CCDC88C: variants seen among roughly 807,000 people sequenced by gnomAD.
CCDC88C encodes coiled-coil and HOOK domain protein 88C.
Under a neutral mutation model 198.8 loss-of-function variants are expected in CCDC88C, and 131 were observed. The ratio of observed to expected loss-of-function variants is 0.66; its 90% confidence interval spans 0.57 to 0.76. The LOEUF (loss-of-function observed/expected upper bound fraction) is 0.76, where lower values mean the gene tolerates loss of function less well. Ranked by LOEUF, CCDC88C falls within the 30% of genes least tolerant of loss-of-function variation. The pLI, the probability that CCDC88C is intolerant of heterozygous loss-of-function variation, is 0.00. For missense variants in CCDC88C, 2,553 were observed against 2,631.6 expected (o/e 0.97, Z 0.65); for synonymous variants, 1,166 against 1,114.7 (o/e 1.05, Z -0.92).
intron 3 of CCDC88C, among the ~76,000 whole-genome samples, chr14:91,392,436 T>G (rs1885562650): frequency 6.6e-6 from 1 of 152,052 alleles, no homozygotes; most frequent in Non-Finnish European, 1.5e-5. Flanking sequence ...GAGGAGAACC[T>G]TTTCAAGGGG....
At chr14:91,346,965 C>G (rs1429947791) in intron 4 of CCDC88C, among the ~76,000 whole-genome samples, 1 of 152,192 alleles carries the variant, frequency 6.6e-6, no homozygotes, top group African/African-American at 2.4e-5. Flanking sequence ...GTCTTTCTGA[C>G]AGTGCTTGCC....
chr14:91,332,932 C>G (rs894056509), intron 10 of CCDC88C, among the ~76,000 whole-genome samples: 1 of 152,250 alleles, frequency 6.6e-6, no homozygotes, highest in African/African-American at 2.4e-5. Flanking sequence ...ACTCCACCCA[C>G]AGACCGGCCC....
Position 91,272,555 on chromosome 14 carries a change from A to C in CCDC88C, c.*70T>G. The C allele has an allele frequency of 6.5e-5, 96 of 1,484,354 alleles. No homozygotes were observed. The highest frequency in any genetic ancestry group is 5.0e-4 in the Middle Eastern group (2 of 4,038). 91.9% of individuals were successfully genotyped at this position (1,484,354 alleles called of 1,614,324 possible). ...CCTCTCCTGGCACCGCAGGCAAGCA[A>C]GAGAAAAGGCCGTGAGAGTCGGAAG... On this transcript the variant is annotated 3_prime_UTR_variant, in exon 30 of 30. Coordinates refer to ENST00000389857, the MANE Select transcript of CCDC88C (RefSeq NM_001080414.4).
At position 91,381,592 on chromosome 14, in the gene CCDC88C, G is replaced by A. The variant is rs1175085035; in HGVS notation, c.271-21881C>T. ...TCATGCCTGTAATCCTAGCACTTTG[G>A]GAGGCCAAGTTGGGTGGATCAATTG... On this transcript the variant is annotated intron_variant, in intron 3 of 29. Coordinates refer to ENST00000389857, the MANE Select transcript of CCDC88C (RefSeq NM_001080414.4). This position sits in a 1 kb window ranked among gnomAD's most constrained non-coding sequence, Gnocchi z 4.2. Among the ~76,000 whole-genome samples the A allele has an allele frequency of 2.0e-5, 3 of 152,184 alleles. No individual in the cohort carries two copies. Among genetic ancestry groups the A allele is most frequent in the Non-Finnish European group, 4.4e-5 (3 of 68,034 alleles).
At position 91,338,865 on chromosome 14, in the gene CCDC88C, GCTCCA is replaced by G. The variant is rs1288358249; in HGVS notation, c.810-300_810-296del. On this transcript the variant is annotated intron_variant, in intron 8 of 29. Coordinates refer to ENST00000389857, the MANE Select transcript of CCDC88C (RefSeq NM_001080414.4). This position sits in a 1 kb window ranked among gnomAD's most constrained non-coding sequence, Gnocchi z 4.8. ...GGCAGCTGTACCACCCCACAGCCAG[GCTCCA>G]CAGGTGACATCCATCAGCTGCAGGA... 1 of 493,276 alleles carries G rather than the reference GCTCCA, an allele frequency of 2.0e-6. No homozygotes were observed. The highest frequency in any genetic ancestry group is 1.9e-5 in the African/African-American group (1 of 51,562). 30.6% of individuals were successfully genotyped at this position (493,276 alleles called of 1,614,324 possible). A position where few individuals can be genotyped will look rare whatever the true frequency, so the allele number is the denominator to read the frequency against.
chr14:91,282,819 T>C (rs1238912418), intron 26 of CCDC88C, among the ~76,000 whole-genome samples: 3 of 152,114 alleles, frequency 2.0e-5, no homozygotes, highest in South Asian at 2.1e-4. Flanking sequence ...TCCAGCACTT[T>C]AGGGGGCCAA....
At chr14:91,279,329 A>C (rs776462903) in intron 27 of CCDC88C, 23 bp from the exon 28 acceptor site, 3 of 1,575,638 alleles carry the variant, frequency 1.9e-6, no homozygotes, top group Non-Finnish European at 2.6e-6. Context: ...GGCAGTGTTA[A>C]AATTAAAAAG....
intron 3 of CCDC88C, among the ~76,000 whole-genome samples, chr14:91,363,010 T>A (rs1283806758): frequency 6.6e-6 from 1 of 152,048 alleles, no homozygotes; most frequent in Non-Finnish European, 1.5e-5. Context: ...ACCATGGTTC[T>A]CCTAAGATGT....
chr14:91,343,157 T>C (rs1404955484), intron 5 of CCDC88C, among the ~76,000 whole-genome samples: 1 of 152,172 alleles, frequency 6.6e-6, no homozygotes, highest in Admixed American at 6.5e-5. Context: ...GGTCTCACTA[T>C]GTTGCCAAGG....
chr14:91,274,842 G>A (rs1889885594), intron 29 of CCDC88C, among the ~76,000 whole-genome samples: 1 of 152,188 alleles, frequency 6.6e-6, no homozygotes, highest in East Asian at 1.9e-4. Context: ...ACGGAGGTTT[G>A]GCAGGCCATG....
At chr14:91,296,026 A>T (rs1290379525) in intron 22 of CCDC88C, among the ~76,000 whole-genome samples, 1 of 152,220 alleles carries the variant, frequency 6.6e-6, no homozygotes, top group African/African-American at 2.4e-5. Flanking sequence ...CTGCCGGTTC[A>T]CGGATCATGG....
rs1892512845 is a variant in CCDC88C, at chr14:91,324,793, G to A, written c.1328C>T (p.Ala443Val). Reference sequence around the variant, plus strand: ...GCGCTACCTACCGTCTGACAAGTCTGCGTTCTTGGACAGCTGCTCCAGCTC... The same window carrying A: ...GCGCTACCTACCGTCTGACAAGTCTACGTTCTTGGACAGCTGCTCCAGCTC... ...GWELEQLSKN[A>V]DLSDASRKSF... Residue 443 changes from alanine to valine, a missense_variant, in exon 12 of 30, where the codon GCA (alanine) becomes GTA (valine). Transcript: ENST00000389857. 1 of 1,611,900 alleles carries A rather than the reference G, an allele frequency of 6.2e-7. No individual in the cohort carries two copies.
At position 91,381,544 on chromosome 14, in the gene CCDC88C, G is replaced by A; in HGVS notation, c.271-21833C>T. ...GCAGACTGTCTTCCATTCAAGCCGG[G>A]CCTTTTGGCCGGGTGCGGTGGCTCA... On this transcript the variant is annotated intron_variant, in intron 3 of 29. Transcript: ENST00000389857. The surrounding 1 kb of genome is among the most constrained non-coding windows in gnomAD (Gnocchi z 4.2). 6.6e-6 allele frequency among the ~76,000 whole-genome samples: 1 copy of A among 152,196 alleles called. No individual in the cohort carries two copies. Among genetic ancestry groups the A allele is most frequent in the Admixed American group, 6.5e-5 (1 of 15,278 alleles).
intron 3 of CCDC88C, among the ~76,000 whole-genome samples, chr14:91,401,856 C>G (rs7157901): frequency 0.24 from 37,089 of 152,060 alleles, 4,663 homozygotes; most frequent in East Asian, 0.36. Flanking sequence ...CCCTTGAATC[C>G]TGTCCCTGCC....
chr14:91,366,386 T>C (rs1171511581), intron 3 of CCDC88C, among the ~76,000 whole-genome samples: 1 of 152,134 alleles, frequency 6.6e-6, no homozygotes, highest in Non-Finnish European at 1.5e-5. Context: ...CTTGGGAGGC[T>C]GAGGCAGGAG....
intron 2 of CCDC88C, among the ~76,000 whole-genome samples, chr14:91,409,274 G>A (rs1304087520): frequency 1.3e-5 from 2 of 150,758 alleles, no homozygotes; most frequent in South Asian, 2.1e-4. Context: ...CTACAGCCTC[G>A]AACTCCTGAG....
At chr14:91,285,571 A>G in intron 25 of CCDC88C, 1 of 1,132,234 alleles carries the variant, frequency 8.8e-7, no homozygotes, top group Non-Finnish European at 1.1e-6. Flanking sequence ...GGGGTCCGCT[A>G]TCGGCCATCT....
In CCDC88C at chr14:91,375,595, G is replaced by A. The variant is rs573789239; in HGVS notation, c.271-15884C>T. Among the ~76,000 whole-genome samples, 169 of 152,244 alleles carry A rather than the reference G, an allele frequency of 1.1e-3. 1 individual carries two copies. The highest frequency in any genetic ancestry group is 4.0e-3 in the African/African-American group (165 of 41,538). On this transcript the variant is annotated intron_variant, in intron 3 of 29. Transcript: ENST00000389857. The stretch of plus-strand genomic sequence containing the variant: ...GCTCACGAGGCAGACCAGCTGCTCT[G>A]GCTTCCCCGCAGGGCCGGCCGAGAG...
intron 25 of CCDC88C, 26 bp downstream of exon 25, chr14:91,289,079 A>G (rs1432191460): frequency 1.3e-6 from 2 of 1,594,906 alleles, no homozygotes; most frequent in East Asian, 2.2e-5. Context: ...TCCTCACCCG[A>G]CCACGGCCAG....
Sources: allele counts gnomAD v4.1 joint callset (sites outside exome capture counted in the v4.1 genomes callset), GRCh38; gene constraint gnomAD v4.1.1; non-coding constraint Gnocchi (gnomAD v3.1); transcripts MANE v1.5; gene names NCBI Gene and HGNC (gene_info 2026-07-23, HGNC 2026-07-21).